UNC5C: variants seen among roughly 807,000 people sequenced by gnomAD.
UNC5C encodes the protein netrin receptor UNC5C.
Under a neutral mutation model 99.8 loss-of-function variants are expected in UNC5C, and 47 were observed. That is an observed-to-expected ratio of 0.47 (90% CI 0.37 to 0.60). The LOEUF (loss-of-function observed/expected upper bound fraction) is 0.60. Ranked by LOEUF, UNC5C falls within the 20% of genes least tolerant of loss-of-function variation. The pLI is 0.00. For missense variants in UNC5C, 1,062 were observed against 1,165.9 expected (o/e 0.91, Z 1.30); for synonymous variants, 487 against 452.2 (o/e 1.08, Z -0.98).
At chr4:95,278,801 T>A (rs1740952608) in intron 3 of UNC5C, among the ~76,000 whole-genome samples, 1 of 152,152 alleles carries the variant, frequency 6.6e-6, no homozygotes, top group African/African-American at 2.4e-5. Flanking sequence ...TTTAACCACA[T>A]GTTGTTAGCA....
At chr4:95,404,054 A>AT (rs1471075585) in intron 1 of UNC5C, among the ~76,000 whole-genome samples, 10 of 152,016 alleles carry the variant, frequency 6.6e-5, no homozygotes, top group Admixed American at 1.3e-4. Flanking sequence ...CTTCTCTTCC[A>AT]TTTTTTTTGA....
chr4:95,541,154 T>C (rs1722908811), intron 1 of UNC5C, among the ~76,000 whole-genome samples: 1 of 152,224 alleles, frequency 6.6e-6, no homozygotes, highest in Admixed American at 6.5e-5. Flanking sequence ...TGCAGTTCAC[T>C]TTCTGCAGTT....
intron 1 of UNC5C, among the ~76,000 whole-genome samples, chr4:95,446,634 A>G (rs1747114692): frequency 1.3e-5 from 2 of 152,130 alleles, no homozygotes; most frequent in Non-Finnish European, 1.5e-5. Flanking sequence ...TTAAATTTAA[A>G]CCTGCCTGAT....
At chr4:95,544,414 T>C (rs1241465086) in intron 1 of UNC5C, among the ~76,000 whole-genome samples, 1 of 152,192 alleles carries the variant, frequency 6.6e-6, no homozygotes. Context: ...TTCTTCTGTG[T>C]AGAAATTTTA....
intron 3 of UNC5C, among the ~76,000 whole-genome samples, chr4:95,296,271 A>G (rs934114438): frequency 6.6e-6 from 1 of 152,212 alleles, no homozygotes; most frequent in African/African-American, 2.4e-5. Flanking sequence ...CGGTACACAC[A>G]TATGAGTTCA....
chr4:95,265,297 A>G (rs1221034525), intron 4 of UNC5C, among the ~76,000 whole-genome samples: 5 of 149,778 alleles, frequency 3.3e-5, no homozygotes, highest in Non-Finnish European at 5.9e-5. Context: ...TACAAAAAAA[A>G]CATAATAAGT....
intron 12 of UNC5C, among the ~76,000 whole-genome samples, chr4:95,188,535 G>A (rs1167995215): frequency 6.6e-6 from 1 of 152,200 alleles, no homozygotes; most frequent in Non-Finnish European, 1.5e-5. Flanking sequence ...GCTTTGTCTT[G>A]TGTTACCATT....
At chr4:95,240,996 G>C (rs1008206144) in intron 7 of UNC5C, among the ~76,000 whole-genome samples, 4 of 151,294 alleles carry the variant, frequency 2.6e-5, no homozygotes, top group Middle Eastern at 6.8e-3. Context: ...CATTGAGAGA[G>C]AAAGAACGTG....
At chr4:95,174,269 C>T (rs1736244557) in intron 14 of UNC5C, among the ~76,000 whole-genome samples, 1 of 151,366 alleles carries the variant, frequency 6.6e-6, no homozygotes, top group African/African-American at 2.4e-5. Flanking sequence ...TTAGTTATTT[C>T]TTGCCTTCTG....
chr4:95,491,071 A>G (rs1035014460), intron 1 of UNC5C, among the ~76,000 whole-genome samples: 9 of 151,716 alleles, frequency 5.9e-5, no homozygotes, highest in Admixed American at 4.6e-4. Flanking sequence ...GCAGAAAAGT[A>G]AGATGAGGGG....
intron 1 of UNC5C, among the ~76,000 whole-genome samples, chr4:95,414,531 C>T (rs1446188043): frequency 6.6e-6 from 1 of 152,182 alleles, no homozygotes; most frequent in African/African-American, 2.4e-5. Flanking sequence ...AAAGAAAATA[C>T]CTAGCAACGA....
At chr4:95,357,439 C>CAT (rs1350618452) in intron 1 of UNC5C, among the ~76,000 whole-genome samples, 1 of 151,752 alleles carries the variant, frequency 6.6e-6, no homozygotes, top group African/African-American at 2.4e-5. Flanking sequence ...CCTGGCCTTG[C>CAT]ATTTTTTTTA....
At chr4:95,293,500 A>G (rs1334075402) in intron 3 of UNC5C, among the ~76,000 whole-genome samples, 2 of 151,378 alleles carry the variant, frequency 1.3e-5, no homozygotes, top group East Asian at 1.9e-4. Flanking sequence ...TTTGGCTTTT[A>G]TTAGAGACAA....
intron 1 of UNC5C, among the ~76,000 whole-genome samples, chr4:95,513,501 T>C (rs552451975): frequency 8.1e-4 from 124 of 152,298 alleles, no homozygotes; most frequent in African/African-American, 2.9e-3. Flanking sequence ...CCCTCATTAA[T>C]AGACAAATTT....
intron 12 of UNC5C, among the ~76,000 whole-genome samples, chr4:95,190,409 C>T (rs866603883): frequency 1.6e-4 from 25 of 152,238 alleles, no homozygotes; most frequent in African/African-American, 5.8e-4. Flanking sequence ...TTAATGGGTG[C>T]AGCACACCAA....
At chr4:95,235,758 T>G (rs1189699835) in intron 7 of UNC5C, among the ~76,000 whole-genome samples, 7 of 152,176 alleles carry the variant, frequency 4.6e-5, no homozygotes. Flanking sequence ...CCCCGTTTCT[T>G]GTTTTTGAGT....
chr4:95,170,412 C>G lies in UNC5C; in HGVS notation c.2452-80G>C, dbSNP rs193084503. Reference sequence around the variant, plus strand: ...TCTATTGAACCAATCAACATAATGCCTTGCTTTGAGTGATAAGAAAAGAAT... The same window carrying G: ...TCTATTGAACCAATCAACATAATGCGTTGCTTTGAGTGATAAGAAAAGAAT... On this transcript the variant is annotated intron_variant, in intron 14 of 15. Transcript: ENST00000453304. The G allele has an allele frequency of 2.7e-4, 397 of 1,477,432 alleles. 1 individual carries two copies. The African/African-American group carries it at 5.0e-3, about 19-fold the overall frequency. The allele number at this position is 1,477,432 out of a possible 1,614,324, so 91.5% of individuals were successfully genotyped here.
intron 1 of UNC5C, among the ~76,000 whole-genome samples, chr4:95,529,346 GTA>G (rs967398148): frequency 1.4e-5 from 2 of 146,532 alleles, no homozygotes; most frequent in African/African-American, 5.0e-5. Flanking sequence ...GTATATATGT[GTA>G]TATATATATT....
Position 95,164,514 on chromosome 4 carries a change from C to G in UNC5C, c.*4720G>C, listed in dbSNP as rs1735790236. 2 of 152,008 alleles carry G rather than the reference C, an allele frequency of 1.3e-5. No homozygotes were observed. Among genetic ancestry groups the G allele is most frequent in the South Asian group, 4.2e-4 (2 of 4,818 alleles). The allele number at this position is 152,008 out of a possible 1,614,324, so 9.4% of individuals were successfully genotyped here. A position where few individuals can be genotyped will look rare whatever the true frequency, so the allele number is the denominator to read the frequency against. On this transcript the variant is annotated 3_prime_UTR_variant, in exon 16 of 16. Transcript: ENST00000453304. Reference sequence around the variant, plus strand: ...GGTTAAAGAATATATAAAAATAATACAAAAAGAAAAATAAAAGCCAAAGAG... The same window carrying G: ...GGTTAAAGAATATATAAAAATAATAGAAAAAGAAAAATAAAAGCCAAAGAG...
Sources: allele counts gnomAD v4.1 joint callset (sites outside exome capture counted in the v4.1 genomes callset), GRCh38; gene constraint gnomAD v4.1.1; transcripts MANE v1.5; gene names NCBI Gene and HGNC (gene_info 2026-07-23, HGNC 2026-07-21).